The following TBC1D19 variants were observed in gnomAD, a reference collection of about 807,000 sequenced individuals.
The protein encoded by TBC1D19 is TBC1 domain family, member 19.
TBC1D19 carries 60 observed loss-of-function variants against 89.0 expected under a neutral mutation model. The ratio of observed to expected loss-of-function variants is 0.67; its 90% confidence interval spans 0.55 to 0.84. TBC1D19 has a LOEUF of 0.84. TBC1D19 is among the 40% of genes least tolerant of loss of function. TBC1D19 has a pLI of 0.00. For synonymous variants in TBC1D19, 189 were observed against 199.7 expected, an observed-to-expected ratio of 0.95 and a Z score of 0.45; for missense variants, 500 against 610.8, an observed-to-expected ratio of 0.82 and a Z score of 1.91.
chr4:26,767,141 G>A, the TBC1D19 span, among the ~76,000 whole-genome samples: 1 of 152,070 alleles, frequency 6.6e-6, no homozygotes, highest in Non-Finnish European at 1.5e-5. Context: ...CTGTACCCCA[G>A]CCTGGGTGAC....
Position 26,739,892 on chromosome 4 carries a change from A to T in TBC1D19, c.1146A>T (p.Glu382Asp). The T allele has an allele frequency of 6.3e-7, 1 of 1,594,852 alleles. No individual in the cohort carries two copies. Among genetic ancestry groups the T allele is most frequent in the Non-Finnish European group, 8.5e-7 (1 of 1,171,830 alleles). The change falls in exon 17 of 21, where the codon GAA becomes GAT. Residue 382 changes from glutamate (E) to aspartate (D), a missense_variant. Coordinates refer to ENST00000264866, the MANE Select transcript of TBC1D19 (RefSeq NM_018317.4). ...YVAPLCFLYH[E>D]PSKLYQIFRE... Reference sequence around the variant, plus strand: ...CACCACTTTGTTTTCTATACCATGAACCTTCCAAATTGTATCAGATATTCC... The same window carrying T: ...CACCACTTTGTTTTCTATACCATGATCCTTCCAAATTGTATCAGATATTCC...
chr4:26,750,727 A>G (rs1419619732), intron 19 of TBC1D19, among the ~76,000 whole-genome samples: 1 of 152,228 alleles, frequency 6.6e-6, no homozygotes, highest in African/African-American at 2.4e-5. Context: ...GAATTCTGGA[A>G]CATCTAGAAA....
At chr4:26,705,560 A>G (rs532939218) in intron 13 of TBC1D19, among the ~76,000 whole-genome samples, 19 of 152,146 alleles carry the variant, frequency 1.2e-4, no homozygotes, top group Non-Finnish European at 1.9e-4. Context: ...TTGAATGGTA[A>G]TGGGAGAAAG....
intron 1 of TBC1D19, among the ~76,000 whole-genome samples, chr4:26,603,304 A>G (rs1740755360): frequency 6.6e-6 from 1 of 152,240 alleles, no homozygotes; most frequent in Admixed American, 6.5e-5. Context: ...GTTAACCAAT[A>G]TATTTGAAAA....
chr4:26,722,076 A>ATTGCAAGCTTCTTGTAG (rs1171982807), intron 15 of TBC1D19, among the ~76,000 whole-genome samples: 1 of 151,882 alleles, frequency 6.6e-6, no homozygotes, highest in Non-Finnish European at 1.5e-5. Context: ...CCTCCTCTTA[A>ATTGCAAGCTTCTTGTAG]TTGCAAGCTT....
At chr4:26,581,403 G>C (rs1383645459), upstream of TBC1D19, among the ~76,000 whole-genome samples, 1 of 152,124 alleles carries the variant, frequency 6.6e-6, no homozygotes, top group Non-Finnish European at 1.5e-5. Flanking sequence ...AGGCCCTGGT[G>C]TGTGATGTTC....
intron 13 of TBC1D19, among the ~76,000 whole-genome samples, chr4:26,692,242 T>C (rs1714357212): frequency 6.6e-6 from 1 of 152,164 alleles, no homozygotes; most frequent in Non-Finnish European, 1.5e-5. Context: ...CTTATCTCCC[T>C]CACCTCCATT....
the TBC1D19 span, among the ~76,000 whole-genome samples, chr4:26,821,895 C>T: frequency 1.3e-5 from 2 of 152,230 alleles, no homozygotes; most frequent in East Asian, 3.8e-4. Context: ...TGCATGCTCT[C>T]CTGAGCCCTG....
intron 13 of TBC1D19, among the ~76,000 whole-genome samples, chr4:26,709,255 G>T (rs951688471): frequency 6.6e-6 from 1 of 151,876 alleles, no homozygotes; most frequent in East Asian, 1.9e-4. Context: ...TTCATTGAGC[G>T]CATGTGGTCA....
chr4:26,674,785 A>T (rs1487735266), intron 11 of TBC1D19, among the ~76,000 whole-genome samples: 3 of 152,048 alleles, frequency 2.0e-5, no homozygotes, highest in African/African-American at 7.2e-5. Flanking sequence ...GATCACCATT[A>T]ATAAAAGTAA....
At chr4:26,853,664 A>G in the TBC1D19 span, among the ~76,000 whole-genome samples, 3 of 151,910 alleles carry the variant, frequency 2.0e-5, no homozygotes, top group East Asian at 3.9e-4. Context: ...CAGCCTCCTC[A>G]GTAGCTGGTA....
At chr4:26,720,833 C>T (rs1028160965) in intron 15 of TBC1D19, among the ~76,000 whole-genome samples, 2 of 152,098 alleles carry the variant, frequency 1.3e-5, no homozygotes, top group Admixed American at 1.3e-4. Context: ...CTTCTCTGAA[C>T]TTCAGGTTCA....
chr4:26,816,187 T>C, the TBC1D19 span, among the ~76,000 whole-genome samples: 5 of 152,288 alleles, frequency 3.3e-5, no homozygotes, highest in Non-Finnish European at 5.9e-5. Context: ...ACTTTACCTA[T>C]AAAAACAGGC....
At chr4:26,675,207 A>G (rs1712692404) in intron 11 of TBC1D19, among the ~76,000 whole-genome samples, 1 of 152,114 alleles carries the variant, frequency 6.6e-6, no homozygotes. Context: ...ACTTAACTGT[A>G]TAGAAATTGT....
intron 16 of TBC1D19, among the ~76,000 whole-genome samples, chr4:26,739,288 A>C (rs1293103000): frequency 1.3e-5 from 2 of 152,190 alleles, no homozygotes; most frequent in Non-Finnish European, 2.9e-5. Flanking sequence ...TTTCTGCCTA[A>C]GGATTGTTTT....
chr4:26,588,315 G>A (rs1379277948), intron 1 of TBC1D19, among the ~76,000 whole-genome samples: 7 of 152,076 alleles, frequency 4.6e-5, no homozygotes, highest in East Asian at 1.9e-4. Context: ...ATAAGCCACC[G>A]CACCTGGCCA....
At position 26,754,951 on chromosome 4, in the gene TBC1D19, T is replaced by C; in HGVS notation, c.*4T>C. 1.2e-6 allele frequency: 2 copies of C among 1,602,144 alleles called. No individual in the cohort carries two copies. ...TCTGTTTGCTACTGTCACCTGATCTTCTTCACAGTCACTGGCAACACATCT... is the reference window on the plus strand; with the variant it reads ...TCTGTTTGCTACTGTCACCTGATCTCCTTCACAGTCACTGGCAACACATCT... On this transcript the variant is annotated 3_prime_UTR_variant, in exon 21 of 21. Transcript: ENST00000264866.
the TBC1D19 span, among the ~76,000 whole-genome samples, chr4:26,764,388 G>C: frequency 1.3e-5 from 2 of 152,130 alleles, no homozygotes; most frequent in South Asian, 2.1e-4. Flanking sequence ...TATGGAATTG[G>C]GGGTGGGGAA....
intron 5 of TBC1D19, 76 bp from the exon 6 acceptor site, chr4:26,638,695 A>T (rs1223236880): frequency 2.6e-6 from 3 of 1,135,200 alleles, no homozygotes; most frequent in East Asian, 2.4e-5. Flanking sequence ...TAAATAAGTT[A>T]TTGATTCTTG....
Sources: allele counts gnomAD v4.1 joint callset (sites outside exome capture counted in the v4.1 genomes callset), GRCh38; gene constraint gnomAD v4.1.1; transcripts MANE v1.5; gene names NCBI Gene and HGNC (gene_info 2026-07-23, HGNC 2026-07-21).